ACACB: variants seen among roughly 807,000 people sequenced by gnomAD.
ACACB encodes acetyl-CoA carboxylase beta.
ACACB carries 209 observed loss-of-function variants against 278.8 expected under a neutral mutation model. That is an observed-to-expected ratio of 0.75 (90% CI 0.67 to 0.84). ACACB has a LOEUF of 0.84. Ranked by LOEUF, ACACB falls within the 40% of genes least tolerant of loss-of-function variation. The probability of loss-of-function intolerance (pLI) is 0.00; values close to 1 mark genes in which losing one functional copy is unlikely to be tolerated. For missense variants in ACACB, 2,850 were observed against 3,269.0 expected (o/e 0.87, Z 3.13); for synonymous variants, 1,174 against 1,285.6 (o/e 0.91, Z 1.86).
At chr12:109,175,227 T>C (rs1455481394) in intron 7 of ACACB, among the ~76,000 whole-genome samples, 1 of 152,154 alleles carries the variant, frequency 6.6e-6, no homozygotes, top group Non-Finnish European at 1.5e-5. Flanking sequence ...AATTTGTTTT[T>C]TTTTCCCCCC....
chr12:109,224,906 C>T (rs992341645), intron 27 of ACACB, among the ~76,000 whole-genome samples: 31 of 152,156 alleles, frequency 2.0e-4, no homozygotes, highest in Admixed American at 9.8e-4. Context: ...ATCTTCTGAG[C>T]TCAGAGTCTC....
chr12:109,178,803 C>T (rs563319252), intron 9 of ACACB, among the ~76,000 whole-genome samples: 2 of 152,304 alleles, frequency 1.3e-5, no homozygotes, highest in East Asian at 3.9e-4. Flanking sequence ...GAGGTCATTA[C>T]GTCCTGGGGT....
At chr12:109,241,351 G>C in intron 36 of ACACB, 70 bp downstream of exon 36, 2 of 1,489,718 alleles carry the variant, frequency 1.3e-6, no homozygotes, top group Admixed American at 3.4e-5. Flanking sequence ...TCAATTTGTA[G>C]ATTAAGATGG....
Position 109,210,043 on chromosome 12 carries a change from GTA to G in ACACB, c.3249+697_3249+698del, listed in dbSNP as rs202116893. 1.9e-3 allele frequency among the ~76,000 whole-genome samples: 160 copies of G among 83,712 alleles called. 12 individuals carry two copies. The highest frequency in any genetic ancestry group is 3.3e-3 in the Non-Finnish European group (129 of 38,712). The allele number at this position is 83,712 out of a possible 152,430, so 54.9% of individuals were successfully genotyped here. ...CACGTGTGTATATATGTGTATATGT[GTA>G]TATATACACACACGTGTGTATATAT... On this transcript the variant is annotated intron_variant, in intron 21 of 52. Coordinates refer to ENST00000338432, the MANE Select transcript of ACACB (RefSeq NM_001093.4).
Position 109,258,271 on chromosome 12 carries a change from T to TGG in ACACB, c.6272_6273dup (p.Ile2092GlyfsTer6), listed in dbSNP as rs751366693. On this transcript the variant is annotated frameshift_variant, in exon 46 of 53. Coordinates refer to ENST00000338432, the MANE Select transcript of ACACB (RefSeq NM_001093.4). LOFTEE classifies it high-confidence loss of function. ...CTCACTGGTGCTCATTTTCCAGGCT[T>TGG]GGGGGGATTCCCGTGGGAGTGATTG... is the stretch of plus-strand genomic sequence containing the variant. 6.2e-7 allele frequency: 1 copy of TGG among 1,611,820 alleles called. No individual in the cohort carries two copies. Among genetic ancestry groups the TGG allele is most frequent in the Non-Finnish European group, 8.5e-7 (1 of 1,179,526 alleles).
At chr12:109,140,170 A>C (rs1223122462) in intron 2 of ACACB, 112 bp downstream of exon 2, 2 of 1,188,308 alleles carry the variant, frequency 1.7e-6, no homozygotes, top group Admixed American at 3.1e-5. Flanking sequence ...CAAAGCTTCA[A>C]GGGTGGCTAT....
At position 109,130,124 on chromosome 12, in the gene ACACB, G is replaced by A. The variant is rs533959513; in HGVS notation, c.-9-9273G>A. Among the ~76,000 whole-genome samples, 42 of 152,270 alleles carry A rather than the reference G, an allele frequency of 2.8e-4. No homozygotes were observed. The South Asian group carries it at 7.5e-3, about 27-fold the overall frequency. On this transcript the variant is annotated intron_variant, in intron 1 of 52. Transcript: ENST00000338432. ...TCCATTGGTGGCAGAGTCCTGGAGC[G>A]GTGGCTCACACTGCCCATGGTGCTC... is the stretch of plus-strand genomic sequence containing the variant.
chr12:109,239,844 A>T lies in ACACB; in HGVS notation c.4677A>T (p.Glu1559Asp), dbSNP rs2046743742. The change falls in exon 35 of 53, where the codon GAA becomes GAT. Residue 1559 changes from glutamate to aspartate, a missense_variant. This residue lies in a region of ACACB where 2,265 missense variants were observed against 2,561.3 expected (regional missense o/e 0.88). Coordinates refer to ENST00000338432, the MANE Select transcript of ACACB (RefSeq NM_001093.4). ...SDLITKEASF[E>D]YLQNEGERLL... ...CTCTTTGGCAGGAAGCCTCCTTCGA[A>T]TACCTGCAGAACGAGGGTGAGCGGC... is the stretch of plus-strand genomic sequence containing the variant. The T allele has an allele frequency of 6.2e-7, 1 of 1,613,264 alleles. No homozygotes were observed.
At chr12:109,233,649 T>A in intron 29 of ACACB, 99 bp from the exon 30 acceptor site, 2 of 965,530 alleles carry the variant, frequency 2.1e-6, no homozygotes, top group South Asian at 2.9e-5. Context: ...GCTGGGAAAT[T>A]GGGAGGGTCT....
intron 22 of ACACB, 52 bp from the exon 23 acceptor site, chr12:109,216,566 A>T: frequency 6.5e-7 from 1 of 1,529,642 alleles, no homozygotes; most frequent in Non-Finnish European, 9.0e-7. Flanking sequence ...CTAAATATTC[A>T]GGTACTCAAG....
At position 109,266,758 on chromosome 12, in the gene ACACB, G is replaced by A. The variant is rs2047529463; in HGVS notation, c.*396G>A. ...TTTTTTTACTCTGAGACCAGCACCA[G>A]ATGTAAGTAAGCATCTCATATATTT... On this transcript the variant is annotated 3_prime_UTR_variant, in exon 53 of 53. Coordinates refer to ENST00000338432, the MANE Select transcript of ACACB (RefSeq NM_001093.4). 1 of 154,172 alleles carries A rather than the reference G, an allele frequency of 6.5e-6. No individual in the cohort carries two copies. Among genetic ancestry groups the A allele is most frequent in the African/African-American group, 2.4e-5 (1 of 41,446 alleles). The allele number at this position is 154,172 out of a possible 1,614,324, so 9.6% of individuals were successfully genotyped here. A position where few individuals can be genotyped will look rare whatever the true frequency, so the allele number is the denominator to read the frequency against.
intron 1 of ACACB, among the ~76,000 whole-genome samples, chr12:109,135,953 G>T (rs753807700): frequency 9.2e-5 from 14 of 151,912 alleles, no homozygotes; most frequent in Non-Finnish European, 1.9e-4. Context: ...GGGACTACAG[G>T]TGCCTGCCAC....
At chr12:109,156,748 C>A (rs2043552470) in intron 2 of ACACB, among the ~76,000 whole-genome samples, 1 of 152,070 alleles carries the variant, frequency 6.6e-6, no homozygotes, top group Admixed American at 6.6e-5. Context: ...CAACTGGTAG[C>A]AGGAAGGGTC....
At chr12:109,254,072 C>G in intron 43 of ACACB, 142 bp from the exon 44 acceptor site, 1 of 959,594 alleles carries the variant, frequency 1.0e-6, no homozygotes, top group East Asian at 2.6e-5. Flanking sequence ...ATTTTCCAAT[C>G]AGAGCAGTGG....
Position 109,232,796 on chromosome 12 carries a change from G to A in ACACB, c.4129G>A (p.Asp1377Asn). Residue 1377 changes from aspartate to asparagine, a missense_variant, in exon 29 of 53, where the codon GAC becomes AAC. Transcript: ENST00000338432. ...CATGGTAGCCTTCAGGAGATTCGAG[G>A]ACTTCACCAGGTACCCAGCATGGCC... is the stretch of plus-strand genomic sequence containing the variant. ...GAMVAFRRFEDFTRNFDEVIS... is the reference protein window; with the variant it reads ...GAMVAFRRFENFTRNFDEVIS... 1.2e-6 allele frequency: 2 copies of A among 1,614,092 alleles called. No homozygotes were observed. The highest frequency in any genetic ancestry group is 1.7e-6 in the Non-Finnish European group (2 of 1,180,034).
At position 109,228,494 on chromosome 12, in the gene ACACB, C is replaced by A. The variant is rs1394837348; in HGVS notation, c.4001+1005C>A. Reference sequence around the variant, plus strand: ...CCAACTTGGTGAAACCCCATCTCTACTAAAAATATAAAAATTTGCCAGGCG... The same window carrying A: ...CCAACTTGGTGAAACCCCATCTCTAATAAAAATATAAAAATTTGCCAGGCG... On this transcript the variant is annotated intron_variant, in intron 28 of 52. Transcript: ENST00000338432. Among the ~76,000 whole-genome samples, 4 of 151,304 alleles carry A rather than the reference C, an allele frequency of 2.6e-5. No individual in the cohort carries two copies. In the East Asian group the frequency reaches 7.8e-4, roughly 30 times the overall value.
At chr12:109,228,968 AT>A (rs1031941292) in intron 28 of ACACB, among the ~76,000 whole-genome samples, 1 of 151,798 alleles carries the variant, frequency 6.6e-6, no homozygotes, top group Non-Finnish European at 1.5e-5. Context: ...TTATTTATTT[AT>A]TTTTTTTGAG....
At chr12:109,252,285 C>T in intron 42 of ACACB, 129 bp downstream of exon 42, 1 of 604,048 alleles carries the variant, frequency 1.7e-6, no homozygotes, top group Non-Finnish European at 2.7e-6. Flanking sequence ...TACAAGAGCT[C>T]TTTTTTTCCA....
intron 21 of ACACB, 30 bp downstream of exon 21, chr12:109,209,383 A>T (rs746762419): frequency 6.3e-7 from 1 of 1,586,318 alleles, no homozygotes; most frequent in Non-Finnish European, 8.6e-7. Flanking sequence ...GCCCCACCCC[A>T]CCAGGATGGT....
Sources: gnomAD v4.1 joint callset for allele counts (sites outside exome capture counted in the v4.1 genomes callset) on GRCh38, gnomAD v4.1.1 for gene constraint, gnomAD v4.1.1 regional missense constraint, MANE v1.5 for transcripts, NCBI Gene and HGNC (gene_info 2026-07-23, HGNC 2026-07-21) for gene names.